Variants in ATXN7L1 observed in about 807,000 individuals in gnomAD.
The protein encoded by ATXN7L1 is ataxin-7-like protein 1.
In ATXN7L1, 15 loss-of-function variants were observed where a neutral mutation model predicts 70.8. The observed-to-expected ratio is 0.21, with a 90% CI of 0.14 to 0.33. The LOEUF (loss-of-function observed/expected upper bound fraction) is 0.33, where lower values mean the gene tolerates loss of function less well. ATXN7L1 is among the 10% of genes least tolerant of loss of function. ATXN7L1 has a pLI of 1.00. For synonymous variants in ATXN7L1, 440 were observed against 445.1 expected (o/e 0.99, Z 0.14); for missense variants, 975 against 1,097.1 (o/e 0.89, Z 1.57).
chr7:105,864,656 C>T lies in ATXN7L1; in HGVS notation c.250+11156G>A, dbSNP rs539722939. On this transcript the variant is annotated intron_variant, in intron 2 of 11. Coordinates refer to ENST00000419735, the MANE Select transcript of ATXN7L1 (RefSeq NM_020725.2). ...TTTTTTTTTTTTCTTTTTTTTGAGA[C>T]GGAGTGTCACTCTGTCCCCCAGGCT... is the stretch of plus-strand genomic sequence containing the variant. Among the ~76,000 whole-genome samples, 11 of 149,412 alleles carry T rather than the reference C, an allele frequency of 7.4e-5. No homozygotes were observed. The South Asian group carries it at 1.5e-3, about 20-fold the overall frequency.
chr7:105,622,304 C>G (rs1476428269), intron 8 of ATXN7L1, among the ~76,000 whole-genome samples: 1 of 152,228 alleles, frequency 6.6e-6, no homozygotes, highest in Non-Finnish European at 1.5e-5. Flanking sequence ...TTGATGTGCT[C>G]CAGAGTCTGG....
chr7:105,753,521 T>A (rs1266977239), intron 3 of ATXN7L1, among the ~76,000 whole-genome samples: 1 of 152,212 alleles, frequency 6.6e-6, no homozygotes, highest in Non-Finnish European at 1.5e-5. Flanking sequence ...ATCTATGATG[T>A]GGTTGTTTCT....
At chr7:105,748,600 T>C (rs1204645258) in intron 3 of ATXN7L1, among the ~76,000 whole-genome samples, 1 of 152,134 alleles carries the variant, frequency 6.6e-6, no homozygotes, top group Non-Finnish European at 1.5e-5. Context: ...CAGTTAGGTG[T>C]CCCCCTGGTT....
At position 105,613,891 on chromosome 7, in the gene ATXN7L1, C is replaced by T. The variant is rs533962188; in HGVS notation, c.2443G>A (p.Asp815Asn). The change falls in exon 10 of 12, where the codon GAT becomes AAT. Residue 815 changes from aspartate (D) to asparagine (N), a missense_variant. This residue lies in a region of ATXN7L1 where 635 missense variants were observed against 699.4 expected (regional missense o/e 0.91). Transcript: ENST00000419735. ...NPPSLLAPVP[D>N]PVNSTSSRQV... ...CGAGAGGAGGTGCTGTTAACGGGAT[C>T]GGGCACCGGTGCGAGAAGGCTGGGC... 4.5e-6 allele frequency: 7 copies of T among 1,551,996 alleles called. No individual in the cohort carries two copies. Among genetic ancestry groups the T allele is most frequent in the East Asian group, 2.4e-5 (1 of 40,916 alleles).
intron 3 of ATXN7L1, among the ~76,000 whole-genome samples, chr7:105,675,091 C>T (rs1804421591): frequency 6.6e-6 from 1 of 151,808 alleles, no homozygotes; most frequent in Non-Finnish European, 1.5e-5. Flanking sequence ...GGAAAATAGG[C>T]CTCCAGGAAA....
chr7:105,808,664 A>G (rs1807971537), intron 2 of ATXN7L1, among the ~76,000 whole-genome samples: 1 of 152,264 alleles, frequency 6.6e-6, no homozygotes, highest in African/African-American at 2.4e-5. Flanking sequence ...TTGCCCAAGC[A>G]TATTTATAAA....
chr7:105,707,268 T>G (rs192387246), intron 3 of ATXN7L1, among the ~76,000 whole-genome samples: 1 of 152,024 alleles, frequency 6.6e-6, no homozygotes, highest in African/African-American at 2.4e-5. Context: ...ACAGCACACA[T>G]GAAGCAATGA....
chr7:105,693,144 AAACAATTCCAAGAG>A (rs1272668755), intron 3 of ATXN7L1, among the ~76,000 whole-genome samples: 5 of 152,186 alleles, frequency 3.3e-5, no homozygotes, highest in African/African-American at 1.2e-4. Context: ...GGAGTTCAGA[AAACAATTCCAAGAG>A]AACCTGGGTG....
intron 11 of ATXN7L1, among the ~76,000 whole-genome samples, 168 bp from the exon 12 acceptor site, chr7:105,608,058 G>A (rs1392583946): frequency 6.6e-6 from 1 of 152,214 alleles, no homozygotes; most frequent in Non-Finnish European, 1.5e-5. Context: ...TGGATCTAAA[G>A]GACCCAATAG....
At chr7:105,771,810 T>C (rs998181857) in intron 3 of ATXN7L1, among the ~76,000 whole-genome samples, 1 of 152,194 alleles carries the variant, frequency 6.6e-6, no homozygotes, top group Non-Finnish European at 1.5e-5. Flanking sequence ...AAAAACGTAA[T>C]GGCAATCATT....
intron 3 of ATXN7L1, among the ~76,000 whole-genome samples, chr7:105,730,173 A>G (rs1404300249): frequency 6.6e-6 from 1 of 152,158 alleles, no homozygotes; most frequent in African/African-American, 2.4e-5. Context: ...TGCCTCAAAC[A>G]CTACCTCAGT....
intron 2 of ATXN7L1, among the ~76,000 whole-genome samples, chr7:105,814,349 ATGATGATGG>A (rs1187794712): frequency 6.6e-6 from 1 of 152,166 alleles, no homozygotes; most frequent in Non-Finnish European, 1.5e-5. Flanking sequence ...TTTGGTGGCA[ATGATGATGG>A]TGATGATGAT....
chr7:105,785,184 G>C (rs754032249), intron 3 of ATXN7L1, among the ~76,000 whole-genome samples: 23 of 152,242 alleles, frequency 1.5e-4, no homozygotes, highest in Non-Finnish European at 2.6e-4. Flanking sequence ...AAGCGATGGA[G>C]GCTGGGCACG....
rs1175191341 is a variant in ATXN7L1 at position 105,876,576 on chromosome 7, A to G, written c.-18T>C. ...GACGTCATCTTCGGAACGTTCCGAC[A>G]TTGAGTGTTCTGAAAGGGGGAGGGA... is the stretch of plus-strand genomic sequence containing the variant. On this transcript the variant is annotated 5_prime_UTR_variant, in exon 1 of 12. It removes an upstream start codon present in the reference 5' UTR. Transcript: ENST00000419735. 1.8e-6 allele frequency: 2 copies of G among 1,118,164 alleles called. No homozygotes were observed. The highest frequency in any genetic ancestry group is 5.6e-5 in the East Asian group (1 of 17,880). 69.3% of individuals were successfully genotyped at this position (1,118,164 alleles called of 1,614,324 possible). A position where few individuals can be genotyped will look rare whatever the true frequency, so the allele number is the denominator to read the frequency against.
At chr7:105,788,568 C>T in intron 3 of ATXN7L1, 36 bp downstream of exon 3, 1 of 1,526,448 alleles carries the variant, frequency 6.6e-7, no homozygotes, top group Non-Finnish European at 9.1e-7. Context: ...AGGGCGGCAG[C>T]TGCAGATGTG....
chr7:105,727,532 G>A (rs1302002583), intron 3 of ATXN7L1, among the ~76,000 whole-genome samples: 2 of 151,138 alleles, frequency 1.3e-5, no homozygotes, highest in Admixed American at 6.6e-5. Context: ...AGCCAGGCAC[G>A]GTGGCACGTG....
intron 3 of ATXN7L1, among the ~76,000 whole-genome samples, chr7:105,777,201 C>T (rs1237419308): frequency 1.3e-5 from 2 of 152,134 alleles, no homozygotes; most frequent in African/African-American, 4.8e-5. Context: ...GCAAAGGAGC[C>T]AGCTGACGAT....
chr7:105,795,570 TGA>T (rs1491145322), intron 2 of ATXN7L1, among the ~76,000 whole-genome samples: 2 of 152,130 alleles, frequency 1.3e-5, no homozygotes, highest in African/African-American at 4.8e-5. Flanking sequence ...CAACAACTGG[TGA>T]GAGCTCAAAT....
chr7:105,840,568 C>T (rs866016269), intron 2 of ATXN7L1, among the ~76,000 whole-genome samples: 14 of 152,154 alleles, frequency 9.2e-5, no homozygotes, highest in African/African-American at 2.7e-4. Context: ...AGCAACACCC[C>T]GGCTCCCAGC....
Sources: gnomAD v4.1 joint callset for allele counts (sites outside exome capture counted in the v4.1 genomes callset) on GRCh38, gnomAD v4.1.1 for gene constraint, gnomAD v4.1.1 regional missense constraint, MANE v1.5 for transcripts, NCBI Gene and HGNC (gene_info 2026-07-23, HGNC 2026-07-21) for gene names.